Variants in ZNF106 observed in about 807,000 individuals in gnomAD.
ZNF106 encodes the protein zinc finger protein 106, also known as SH3-domain binding protein 3.
ZNF106 carries 67 observed loss-of-function variants against 195.1 expected under a neutral mutation model. That is an observed-to-expected ratio of 0.34 (90% CI 0.28 to 0.42). The LOEUF (loss-of-function observed/expected upper bound fraction) is 0.42. ZNF106 is among the 10% of genes least tolerant of loss of function. The probability of loss-of-function intolerance (pLI) is 1.00; values close to 1 mark genes in which losing one functional copy is unlikely to be tolerated. For missense variants in ZNF106, 2,118 were observed against 2,304.5 expected (o/e 0.92, Z 1.66); for synonymous variants, 784 against 818.6 (o/e 0.96, Z 0.72).
chr15:42,475,877 T>G (rs1377984310), intron 1 of ZNF106, among the ~76,000 whole-genome samples: 5 of 152,192 alleles, frequency 3.3e-5, no homozygotes, highest in Admixed American at 3.3e-4. Flanking sequence ...TAAAAGAGTG[T>G]GACTCTCTGG....
At position 42,450,870 on chromosome 15, in the gene ZNF106, T is replaced by G; in HGVS notation, c.1402A>C (p.Asn468His). Residue 468 changes from asparagine to histidine, a missense_variant, in exon 5 of 22, where the codon AAT (asparagine) becomes CAT (histidine). Coordinates refer to ENST00000564754, the MANE Select transcript of ZNF106 (RefSeq NM_001366845.3). ...GGGGATTTCAATGATGGCATTTTAT[T>G]TGGTGTATGCTCTTGTTCAGGTTTT... ...AEKPEQEHTP[N>H]KMPSLKSPLL... The G allele has an allele frequency of 6.2e-7, 1 of 1,614,182 alleles. No homozygotes were observed. The highest frequency in any genetic ancestry group is 1.1e-5 in the South Asian group (1 of 91,074).
chr15:42,456,927 A>G (rs1001559720), intron 4 of ZNF106, 31 bp downstream of exon 4: 1 of 1,587,240 alleles, frequency 6.3e-7, no homozygotes, highest in Non-Finnish European at 8.6e-7. Context: ...TCTGTTATAG[A>G]TAGGCTTTTT....
At chr15:42,477,952 T>C (rs960977941) in intron 1 of ZNF106, among the ~76,000 whole-genome samples, 2 of 151,956 alleles carry the variant, frequency 1.3e-5, no homozygotes, top group African/African-American at 4.8e-5. Flanking sequence ...TTGTCACAAT[T>C]AACAAACCAA....
At chr15:42,442,927 G>A (rs1038350442) in intron 9 of ZNF106, among the ~76,000 whole-genome samples, 1 of 152,038 alleles carries the variant, frequency 6.6e-6, no homozygotes. Flanking sequence ...GGGATTACAG[G>A]AGCACGCCAC....
chr15:42,447,989 A>C (rs1424479605), intron 6 of ZNF106, 83 bp downstream of exon 6: 1 of 1,454,398 alleles, frequency 6.9e-7, no homozygotes, highest in Non-Finnish European at 9.2e-7. Context: ...CAGATACCCA[A>C]GAAAAACAGT....
chr15:42,443,208 T>G (rs886687848), intron 9 of ZNF106, among the ~76,000 whole-genome samples: 8 of 152,170 alleles, frequency 5.3e-5, no homozygotes, highest in African/African-American at 1.7e-4. Flanking sequence ...TATCCAAAGT[T>G]ATATAGGCTA....
chr15:42,437,320 T>C lies in ZNF106; in HGVS notation c.4658A>G (p.His1553Arg). 6.2e-7 allele frequency: 1 copy of C among 1,614,158 alleles called. No individual in the cohort carries two copies. The highest frequency in any genetic ancestry group is 8.5e-7 in the Non-Finnish European group (1 of 1,180,008). Residue 1553 changes from histidine (H) to arginine (R), a missense_variant, in exon 13 of 22, where the codon CAC (histidine) becomes CGC (arginine). Coordinates refer to ENST00000564754, the MANE Select transcript of ZNF106 (RefSeq NM_001366845.3). Reference protein sequence around the residue: ...DEPTEGSFEGHQAAVNAIQIF... With the variant: ...DEPTEGSFEGRQAAVNAIQIF... ...CTGAATTGCATTTACGGCAGCTTGG[T>C]GTCCCTCAAAGCTTCCTTCTGTGGG...
intron 17 of ZNF106, among the ~76,000 whole-genome samples, chr15:42,423,077 G>T (rs2054727984): frequency 6.6e-6 from 1 of 151,746 alleles, no homozygotes; most frequent in Non-Finnish European, 1.5e-5. Flanking sequence ...TAAGAGATGG[G>T]GTCTCACAGG....
Position 42,439,737 on chromosome 15 carries a change from G to A in ZNF106, c.3840C>T (p.Phe1280=). 6.2e-7 allele frequency: 1 copy of A among 1,612,092 alleles called. No homozygotes were observed. Among genetic ancestry groups the A allele is most frequent in the Non-Finnish European group, 8.5e-7 (1 of 1,179,280 alleles). The change falls in exon 11 of 22, where the codon TTC becomes TTT. Residue 1280 remains phenylalanine (F), a synonymous_variant. Coordinates refer to ENST00000564754, the MANE Select transcript of ZNF106 (RefSeq NM_001366845.3). ...ACTTCAGTTCTTGGCTAGGCTCATG[G>A]AAACTTTCTGTTGACTCTGGTAAGG... ...RLSLPESTES[F]HEPSQELKFS...
rs1307173569 is a variant in ZNF106 at position 42,439,259 on chromosome 15, G to A, written c.4318C>T (p.Pro1440Ser). Residue 1440 changes from proline to serine, a missense_variant, in exon 11 of 22, where the codon CCA (proline) becomes TCA (serine). Physicochemically the swap from Pro to Ser is moderately conservative, Grantham distance 74. Transcript: ENST00000564754. ...GREQESVRDEPDSDSSLEVLE... is the reference protein window; with the variant it reads ...GREQESVRDESDSDSSLEVLE... ...ACTTCCAGAGACGAGTCACTATCTG[G>A]CTCATCTCTGACACTCTCCTGCTCC... 14 of 1,613,988 alleles carry A rather than the reference G, an allele frequency of 8.7e-6. No homozygotes were observed. In the Admixed American group the frequency reaches 2.2e-4, roughly 25 times the overall value.
At chr15:42,483,886 A>G (rs1284546705) in intron 1 of ZNF106, among the ~76,000 whole-genome samples, 1 of 152,046 alleles carries the variant, frequency 6.6e-6, no homozygotes, top group Non-Finnish European at 1.5e-5. Flanking sequence ...CTCAGTCCAA[A>G]TGTCAGTTGC....
rs143483801 is a variant in ZNF106, at chr15:42,430,111, T to C, written c.4882-1977A>G. Among the ~76,000 whole-genome samples, 1,415 of 152,182 alleles carry C rather than the reference T, an allele frequency of 9.3e-3. 47 individuals carry two copies. The highest frequency in any genetic ancestry group is 0.033 in the African/African-American group (1,362 of 41,420). ...TATACTTAAAATCTGTGTGCTTTAC[T>C]GTATGAAGTTATGTCTCAATGTTAA... is the stretch of plus-strand genomic sequence containing the variant. On this transcript the variant is annotated intron_variant, in intron 14 of 21. Transcript: ENST00000564754.
intron 13 of ZNF106, among the ~76,000 whole-genome samples, chr15:42,436,419 G>A (rs547219171): frequency 3.9e-5 from 6 of 152,024 alleles, no homozygotes; most frequent in East Asian, 1.9e-4. Flanking sequence ...TCAGTCATTC[G>A]TGTTAATCCT....
intron 4 of ZNF106, among the ~76,000 whole-genome samples, chr15:42,453,736 C>T (rs1306223763): frequency 6.6e-6 from 1 of 152,044 alleles, no homozygotes; most frequent in Non-Finnish European, 1.5e-5. Context: ...GCTGGGATTA[C>T]AGGCTCCCGC....
intron 1 of ZNF106, among the ~76,000 whole-genome samples, chr15:42,489,655 C>G (rs183154524): frequency 2.4e-4 from 36 of 152,314 alleles, no homozygotes; most frequent in African/African-American, 8.7e-4. Flanking sequence ...ATTTCATTCA[C>G]GACCAAACTT....
intron 9 of ZNF106, among the ~76,000 whole-genome samples, chr15:42,442,638 A>G (rs1463036685): frequency 7.5e-6 from 1 of 132,738 alleles, no homozygotes; most frequent in Admixed American, 7.8e-5. Context: ...TTTTTTTGAG[A>G]TAGGGTCTCG....
In ZNF106 at chr15:42,446,585, A is replaced by G; in HGVS notation, c.3205+4T>C. The G allele has an allele frequency of 1.3e-6, 2 of 1,588,196 alleles. No homozygotes were observed. The highest frequency in any genetic ancestry group is 1.7e-6 in the Non-Finnish European group (2 of 1,164,136). On this transcript the variant is annotated splice_donor_region_variant and intron_variant, in intron 7 of 21. Coordinates refer to ENST00000564754, the MANE Select transcript of ZNF106 (RefSeq NM_001366845.3). ...TCTTTCTTCCAAAATATTCTGCACC[A>G]TACCTTTTTTTCCTTTAATTTTCCT...
chr15:42,465,922 T>C (rs2056504978), intron 3 of ZNF106, 131 bp downstream of exon 3: 1 of 650,758 alleles, frequency 1.5e-6, no homozygotes, highest in Non-Finnish European at 2.4e-6. Context: ...TGGTATTAAT[T>C]CTAAAAGGTT....
At chr15:42,459,856 C>T (rs1036119992) in intron 3 of ZNF106, among the ~76,000 whole-genome samples, 2 of 151,766 alleles carry the variant, frequency 1.3e-5, no homozygotes, top group South Asian at 2.1e-4. Context: ...CTGGCCAATA[C>T]GGTGAAACCC....
Sources: gnomAD v4.1 joint callset for allele counts (sites outside exome capture counted in the v4.1 genomes callset) on GRCh38, gnomAD v4.1.1 for gene constraint, MANE v1.5 for transcripts, NCBI Gene and HGNC (gene_info 2026-07-23, HGNC 2026-07-21) for gene names.